Variants in KCNJ16 observed in about 807,000 individuals in gnomAD.
KCNJ16 encodes the protein inward rectifier potassium channel 16.
KCNJ16 carries 15 observed loss-of-function variants against 18.5 expected under a neutral mutation model. That is an observed-to-expected ratio of 0.81 (90% CI 0.54 to 1.25). KCNJ16 has a LOEUF of 1.25. KCNJ16 is among the 50% of genes most tolerant of loss of function. The pLI is 0.00. For synonymous variants in KCNJ16, 174 were observed against 186.5 expected (o/e 0.93, Z 0.55); for missense variants, 523 against 525.7 (o/e 0.99, Z 0.05).
chr17:70,091,518 T>C lies in KCNJ16; in HGVS notation c.-299-9140T>C, dbSNP rs550063065. On this transcript the variant is annotated intron_variant, in intron 1 of 3. Transcript: ENST00000392671. ...ATAAATAATGGGATTTTCTCCTTAATAGGATTTGCTGCAAACAAGTAAACA... is the reference window on the plus strand; with the variant it reads ...ATAAATAATGGGATTTTCTCCTTAACAGGATTTGCTGCAAACAAGTAAACA... Among the ~76,000 whole-genome samples the C allele has an allele frequency of 2.0e-5, 3 of 152,238 alleles. No individual in the cohort carries two copies. In the South Asian group the frequency reaches 6.2e-4, roughly 32 times the overall value.
intron 2 of KCNJ16, among the ~76,000 whole-genome samples, chr17:70,110,478 G>GCACACACACACACACA (rs1555592321): frequency 3.3e-5 from 4 of 122,240 alleles, no homozygotes; most frequent in African/African-American, 1.5e-4. Context: ...CACACTTCGT[G>GCACACACACACACACA]CGCGCACACA....
chr17:70,132,499 T>G lies in KCNJ16; in HGVS notation c.412T>G (p.Cys138Gly), dbSNP rs1433386517. The change falls in exon 4 of 4, where the codon TGT becomes GGT. Residue 138 changes from cysteine to glycine, a missense_variant. Transcript: ENST00000392671. ...AACCACCATAGGATATGGTTATCGC[T>G]GTGTTACTGAAGAATGTTCTGTGGC... ...TQTTIGYGYR[C>G]VTEECSVAVL... 3.7e-6 allele frequency: 6 copies of G among 1,614,188 alleles called. No individual in the cohort carries two copies. Among genetic ancestry groups the G allele is most frequent in the Non-Finnish European group, 5.1e-6 (6 of 1,180,038 alleles).
At chr17:70,092,844 A>G (rs1567782832) in intron 1 of KCNJ16, among the ~76,000 whole-genome samples, 1 of 152,160 alleles carries the variant, frequency 6.6e-6, no homozygotes, top group East Asian at 1.9e-4. Flanking sequence ...GAAAAAGGAA[A>G]AGATGTTTGT....
At chr17:70,107,430 A>G (rs891368550) in intron 2 of KCNJ16, among the ~76,000 whole-genome samples, 2 of 152,204 alleles carry the variant, frequency 1.3e-5, no homozygotes, top group Non-Finnish European at 2.9e-5. Flanking sequence ...AGTAAGAAAC[A>G]GAAACATCTA....
rs1256718140 is a variant in KCNJ16, at chr17:70,133,504, C to T, written c.*160C>T. 8.1e-6 allele frequency: 5 copies of T among 613,524 alleles called. No individual in the cohort carries two copies. Among genetic ancestry groups the T allele is most frequent in the Non-Finnish European group, 1.1e-5 (4 of 362,836 alleles). 38.0% of individuals were successfully genotyped at this position (613,524 alleles called of 1,614,324 possible). ...CTTGGTAAAAGATAATCTAAAAATT[C>T]CATAGTTCTCAGTTATTAAAATTTT... On this transcript the variant is annotated 3_prime_UTR_variant, in exon 4 of 4. Transcript: ENST00000392671.
In KCNJ16 at chr17:70,133,228, A is replaced by T; in HGVS notation, c.1141A>T (p.Ser381Cys). Residue 381 changes from serine (S) to cysteine (C), a missense_variant, in exon 4 of 4, where the codon AGC (serine) becomes TGC (cysteine). Physicochemically the swap from Ser to Cys is moderately radical, Grantham distance 112. Transcript: ENST00000392671. ...GTCATTTAGTGCAGTTGCCATTGTC[A>T]GCAGCTGTGAAAACCCTGAGGAGAC... is the stretch of plus-strand genomic sequence containing the variant. ...RRSFSAVAIV[S>C]SCENPEETTT... is the part of the protein sequence containing the mutation. 6.2e-7 allele frequency: 1 copy of T among 1,614,208 alleles called. No homozygotes were observed. The highest frequency in any genetic ancestry group is 1.1e-5 in the South Asian group (1 of 91,088).
At chr17:70,086,741 T>C (rs1349439215) in intron 1 of KCNJ16, among the ~76,000 whole-genome samples, 5 of 152,144 alleles carry the variant, frequency 3.3e-5, no homozygotes, top group Admixed American at 3.3e-4. Context: ...ATTGCAGCTT[T>C]TAAACTAAAG....
chr17:70,131,242 G>C, intron 3 of KCNJ16: 1 of 690,314 alleles, frequency 1.4e-6, no homozygotes, highest in Non-Finnish European at 2.1e-6. Context: ...AAGGATGAAT[G>C]TTATGAGACA....
intron 2 of KCNJ16, among the ~76,000 whole-genome samples, chr17:70,108,061 T>C (rs2073013017): frequency 1.3e-5 from 2 of 152,176 alleles, no homozygotes; most frequent in African/African-American, 2.4e-5. Flanking sequence ...AAGCAGATTC[T>C]AGCCCCGCCC....
intron 2 of KCNJ16, among the ~76,000 whole-genome samples, chr17:70,114,037 TC>T (rs1370681129): frequency 6.6e-6 from 1 of 152,098 alleles, no homozygotes; most frequent in Non-Finnish European, 1.5e-5. Context: ...ATCTGGATCT[TC>T]CTAGGAAGAT....
At chr17:70,111,855 T>A (rs913425237) in intron 2 of KCNJ16, among the ~76,000 whole-genome samples, 2 of 152,118 alleles carry the variant, frequency 1.3e-5, no homozygotes, top group African/African-American at 4.8e-5. Context: ...CCACCATGAT[T>A]ATGAGACCTC....
chr17:70,113,416 TTAATCA>T (rs2073269450), intron 2 of KCNJ16, among the ~76,000 whole-genome samples: 1 of 152,238 alleles, frequency 6.6e-6, no homozygotes, highest in Non-Finnish European at 1.5e-5. Flanking sequence ...CTCATAATTC[TTAATCA>T]TAGTCTTCAC....
chr17:70,085,373 C>T (rs1467398208), intron 1 of KCNJ16, among the ~76,000 whole-genome samples: 1 of 152,148 alleles, frequency 6.6e-6, no homozygotes, highest in East Asian at 1.9e-4. Context: ...GAAACAGAGG[C>T]ACTGAAAGGT....
Position 70,134,935 on chromosome 17 carries a change from CT to C in KCNJ16, c.*1597del, listed in dbSNP as rs1321994113. On this transcript the variant is annotated 3_prime_UTR_variant, in exon 4 of 4. Transcript: ENST00000392671. ...AGTGCCTTTCTGTTTCTTTTCTTTTCTTTTTTCTTTTTTTGTTCTTCCTTCC... is the reference window on the plus strand; with the variant it reads ...AGTGCCTTTCTGTTTCTTTTCTTTTCTTTTTCTTTTTTTGTTCTTCCTTCC... 1 of 165,078 alleles carries C rather than the reference CT, an allele frequency of 6.1e-6. No individual in the cohort carries two copies. The highest frequency in any genetic ancestry group is 6.6e-5 in the Admixed American group (1 of 15,140). 10.2% of individuals were successfully genotyped at this position (165,078 alleles called of 1,614,324 possible).
intron 1 of KCNJ16, among the ~76,000 whole-genome samples, chr17:70,091,296 T>G (rs780619225): frequency 8.5e-5 from 13 of 152,294 alleles, no homozygotes; most frequent in Non-Finnish European, 1.3e-4. Flanking sequence ...AAACACAACT[T>G]AAGTGATAAG....
In KCNJ16 at chr17:70,130,952, A is replaced by G; in HGVS notation, c.-117A>G. On this transcript the variant is annotated 5_prime_UTR_variant, in exon 3 of 4. Coordinates refer to ENST00000392671, the MANE Select transcript of KCNJ16 (RefSeq NM_170741.4). The stretch of plus-strand genomic sequence containing the variant: ...CTTGAGCTGGGAAATCCTTTGGCCT[A>G]TTATACCATGGATGCTAAAAATGGT... 6.5e-7 allele frequency: 1 copy of G among 1,535,356 alleles called. No individual in the cohort carries two copies. The highest frequency in any genetic ancestry group is 8.7e-7 in the Non-Finnish European group (1 of 1,146,252).
chr17:70,130,809 C>T (rs2074029520), intron 2 of KCNJ16, 70 bp from the exon 3 acceptor site: 4 of 705,616 alleles, frequency 5.7e-6, no homozygotes, highest in African/African-American at 5.3e-5. Context: ...CTGTGAAAAA[C>T]ACATATTCTA....
At chr17:70,095,265 A>G (rs1408110211) in intron 1 of KCNJ16, among the ~76,000 whole-genome samples, 1 of 41,918 alleles carries the variant, frequency 2.4e-5, no homozygotes, top group East Asian at 2.4e-3. Context: ...AGACCATGTA[A>G]GACAAAACAA....
At chr17:70,096,423 C>T (rs2072375561) in intron 1 of KCNJ16, among the ~76,000 whole-genome samples, 1 of 151,614 alleles carries the variant, frequency 6.6e-6, no homozygotes, top group Non-Finnish European at 1.5e-5. Context: ...ACCTTTTATT[C>T]AACTTGTAAG....
Sources: allele counts gnomAD v4.1 joint callset (sites outside exome capture counted in the v4.1 genomes callset), GRCh38; gene constraint gnomAD v4.1.1; transcripts MANE v1.5; gene names NCBI Gene and HGNC (gene_info 2026-07-23, HGNC 2026-07-21).